Variants in ST18 observed in about 807,000 individuals in gnomAD.
ST18 encodes ST18 C2H2C-type zinc finger transcription factor, also known as suppression of tumorigenicity 18 protein.
ST18 carries 50 observed loss-of-function variants against 110.0 expected under a neutral mutation model. The ratio of observed to expected loss-of-function variants is 0.45; its 90% CI spans 0.36 to 0.58. The LOEUF (loss-of-function observed/expected upper bound fraction) is 0.58, where lower values mean the gene tolerates loss of function less well. Ranked by LOEUF, ST18 falls within the 20% of genes least tolerant of loss-of-function variation. The pLI, the probability that ST18 is intolerant of heterozygous loss-of-function variation, is 0.00. For missense variants in ST18, 1,306 were observed against 1,280.1 expected (o/e 1.02, Z -0.31); for synonymous variants, 461 against 452.4 (o/e 1.02, Z -0.24).
intron 2 of ST18, chr8:52,393,623 T>C (rs970736159): frequency 2.0e-5 from 3 of 151,504 alleles, no homozygotes; most frequent in Admixed American, 1.3e-4. Context: ...GGTTCAAGCC[T>C]TGTAATCCCA....
intron 10 of ST18, among the ~76,000 whole-genome samples, chr8:52,170,017 T>G (rs2064267923): frequency 6.6e-6 from 1 of 152,254 alleles, no homozygotes; most frequent in Non-Finnish European, 1.5e-5. Context: ...TCAAATACTT[T>G]AAGATGTGGC....
At chr8:52,200,374 G>A (rs1361142020) in intron 8 of ST18, among the ~76,000 whole-genome samples, 1 of 152,240 alleles carries the variant, frequency 6.6e-6, no homozygotes, top group Non-Finnish European at 1.5e-5. Context: ...AAAACCTGGT[G>A]CAAGTGAGCA....
At chr8:52,152,575 A>C (rs2059091434) in intron 15 of ST18, among the ~76,000 whole-genome samples, 1 of 152,228 alleles carries the variant, frequency 6.6e-6, no homozygotes, top group South Asian at 2.1e-4. Flanking sequence ...GATGCTACCT[A>C]CATTTTATTT....
chr8:52,251,962 G>A lies in ST18; in HGVS notation c.-464-21885C>T, dbSNP rs550579495. On this transcript the variant is annotated intron_variant, in intron 2 of 25. Coordinates refer to ENST00000689386, the MANE Select transcript of ST18 (RefSeq NM_001352837.2). ...TCTTTTGGATTTCTATAGCAGACATGGCAGGTCACATAAGGACAAGAATTA... is the reference window on the plus strand; with the variant it reads ...TCTTTTGGATTTCTATAGCAGACATAGCAGGTCACATAAGGACAAGAATTA... Among the ~76,000 whole-genome samples, 5 of 152,100 alleles carry A rather than the reference G, an allele frequency of 3.3e-5. No individual in the cohort carries two copies. In the South Asian group the frequency reaches 6.2e-4, roughly 19 times the overall value.
At chr8:52,129,246 A>G (rs984772613) in intron 22 of ST18, among the ~76,000 whole-genome samples, 1 of 151,928 alleles carries the variant, frequency 6.6e-6, no homozygotes, top group East Asian at 1.9e-4. Context: ...CAGGCAGATC[A>G]TTTGAGTTCA....
chr8:52,380,595 A>G (rs1834159191), intron 2 of ST18, among the ~76,000 whole-genome samples: 1 of 152,158 alleles, frequency 6.6e-6, no homozygotes, highest in Non-Finnish European at 1.5e-5. Flanking sequence ...TTTGTGTAAA[A>G]CATTAGAGGC....
Position 52,112,970 on chromosome 8 carries a change from T to C in ST18, c.*228A>G, listed in dbSNP as rs535434171. The C allele has an allele frequency of 1.4e-5, 5 of 369,638 alleles. No individual in the cohort carries two copies. The highest frequency in any genetic ancestry group is 6.2e-5 in the African/African-American group (3 of 48,066). The allele number at this position is 369,638 out of a possible 1,614,324, so 22.9% of individuals were successfully genotyped here. On this transcript the variant is annotated 3_prime_UTR_variant, in exon 26 of 26. Coordinates refer to ENST00000689386, the MANE Select transcript of ST18 (RefSeq NM_001352837.2). ...AATGAAGAAATAAAAGAAAAACATA[T>C]GAAAATAAATAAGATCTAATAATTG...
chr8:52,211,558 C>T (rs971586094), intron 8 of ST18, among the ~76,000 whole-genome samples: 4 of 152,050 alleles, frequency 2.6e-5, no homozygotes, highest in Non-Finnish European at 5.9e-5. Context: ...AGGCACACGC[C>T]ACCATGCCTG....
intron 9 of ST18, among the ~76,000 whole-genome samples, chr8:52,179,430 T>G (rs2068434317): frequency 6.6e-6 from 1 of 152,238 alleles, no homozygotes. Context: ...AAATAACTTA[T>G]TTTTGAAATA....
intron 2 of ST18, among the ~76,000 whole-genome samples, chr8:52,264,206 A>G (rs954424612): frequency 6.6e-6 from 1 of 152,238 alleles, no homozygotes; most frequent in Non-Finnish European, 1.5e-5. Flanking sequence ...CAAGTGTTTT[A>G]GGGTATGGTG....
Position 52,218,424 on chromosome 8 carries a change from C to T in ST18, c.-156-523G>A, listed in dbSNP as rs574513354. Among the ~76,000 whole-genome samples the T allele has an allele frequency of 2.0e-5, 3 of 151,300 alleles. No homozygotes were observed. In the South Asian group the frequency reaches 6.3e-4, roughly 32 times the overall value. On this transcript the variant is annotated intron_variant, in intron 5 of 25. Transcript: ENST00000689386. ...TGAGATGAGGTTTTGCTCTTGTTGC[C>T]CAGGCTGGAGTGCAATGGCATGATC...
chr8:52,189,639 C>T (rs1229602737), intron 8 of ST18, among the ~76,000 whole-genome samples: 1 of 152,162 alleles, frequency 6.6e-6, no homozygotes, highest in Admixed American at 6.5e-5. Flanking sequence ...TCTTAAGGAC[C>T]TATGGTCGTT....
intron 2 of ST18, among the ~76,000 whole-genome samples, chr8:52,262,617 G>A (rs1222844974): frequency 6.6e-6 from 1 of 152,208 alleles, no homozygotes; most frequent in East Asian, 1.9e-4. Flanking sequence ...TTTTGTGTTT[G>A]TGTCGTTGTA....
intron 2 of ST18, among the ~76,000 whole-genome samples, chr8:52,242,494 T>C (rs1165927337): frequency 6.6e-6 from 1 of 152,212 alleles, no homozygotes. Flanking sequence ...CCTTACCTTA[T>C]AGACTGTCGC....
chr8:52,222,864 C>A lies in ST18; in HGVS notation c.-418-1071G>T, dbSNP rs143161782. On this transcript the variant is annotated intron_variant, in intron 3 of 25. Coordinates refer to ENST00000689386, the MANE Select transcript of ST18 (RefSeq NM_001352837.2). Reference sequence around the variant, plus strand: ...ATACACATTTTTGAAGGCAGTTAACCTAAGACTTAGAATCTTGATCAAGCT... The same window carrying A: ...ATACACATTTTTGAAGGCAGTTAACATAAGACTTAGAATCTTGATCAAGCT... Among the ~76,000 whole-genome samples the A allele has an allele frequency of 2.0e-3, 300 of 152,320 alleles. 1 individual carries two copies. The highest frequency in any genetic ancestry group is 6.7e-3 in the African/African-American group (278 of 41,564).
At chr8:52,377,753 T>G (rs1832971786) in intron 2 of ST18, among the ~76,000 whole-genome samples, 1 of 152,210 alleles carries the variant, frequency 6.6e-6, no homozygotes, top group African/African-American at 2.4e-5. Flanking sequence ...CTGCTGGATG[T>G]ATACCCAAGA....
Position 52,289,064 on chromosome 8 carries a change from T to C in ST18, c.-464-58987A>G, listed in dbSNP as rs141228764. ...ACTGCAATGAAAGGTAACTGAGCTG[T>C]AGCAAACAACCTTTCCTCTGAATCA... On this transcript the variant is annotated intron_variant, in intron 2 of 25. Coordinates refer to ENST00000689386, the MANE Select transcript of ST18 (RefSeq NM_001352837.2). 8.3e-3 allele frequency among the ~76,000 whole-genome samples: 1,269 copies of C among 152,324 alleles called. 14 individuals carry two copies. The highest frequency in any genetic ancestry group is 0.014 in the Non-Finnish European group (982 of 68,030).
intron 2 of ST18, among the ~76,000 whole-genome samples, chr8:52,322,309 C>T (rs1338178802): frequency 6.6e-6 from 1 of 152,148 alleles, no homozygotes; most frequent in Non-Finnish European, 1.5e-5. Flanking sequence ...CCTAGTAGAT[C>T]TCTCCTTCCC....
chr8:52,303,538 C>T (rs573852744), intron 2 of ST18, among the ~76,000 whole-genome samples: 49 of 152,260 alleles, frequency 3.2e-4, no homozygotes, highest in African/African-American at 8.4e-4. Context: ...TGCGATTCAG[C>T]GGCAACACAC....
Sources: allele counts gnomAD v4.1 joint callset (sites outside exome capture counted in the v4.1 genomes callset), GRCh38; gene constraint gnomAD v4.1.1; transcripts MANE v1.5; gene names NCBI Gene and HGNC (gene_info 2026-07-23, HGNC 2026-07-21).